MACROD2: variants seen among roughly 807,000 people sequenced by gnomAD.
The protein encoded by MACROD2 is mono-ADP ribosylhydrolase 2, also known as ADP-ribose glycohydrolase MACROD2.
MACROD2 carries 36 observed loss-of-function variants against 70.4 expected under a neutral mutation model. The observed-to-expected ratio is 0.51, with a 90% CI of 0.39 to 0.68. The LOEUF (loss-of-function observed/expected upper bound fraction) is 0.68. MACROD2 is among the 30% of genes least tolerant of loss of function. The probability of loss-of-function intolerance (pLI) is 0.00; values close to 1 mark genes in which losing one functional copy is unlikely to be tolerated. For missense variants in MACROD2, 496 were observed against 538.4 expected (o/e 0.92, Z 0.78); for synonymous variants, 172 against 178.8 (o/e 0.96, Z 0.30).
intron 5 of MACROD2, among the ~76,000 whole-genome samples, chr20:14,929,777 T>C (rs1159703314): frequency 6.6e-6 from 1 of 152,130 alleles, no homozygotes; most frequent in African/African-American, 2.4e-5. Flanking sequence ...AAGATGCTCT[T>C]CTCACCCCTA....
chr20:14,482,569 T>C (rs1425816598), intron 3 of MACROD2, among the ~76,000 whole-genome samples: 2 of 152,036 alleles, frequency 1.3e-5, no homozygotes, highest in Non-Finnish European at 2.9e-5. Flanking sequence ...GGTCAGCTTC[T>C]GCATGAGCCA....
intron 8 of MACROD2, among the ~76,000 whole-genome samples, chr20:15,768,470 T>C (rs1261323139): frequency 6.6e-6 from 1 of 152,162 alleles, no homozygotes; most frequent in Non-Finnish European, 1.5e-5. Context: ...GCACTTACCA[T>C]GAATGGAGCT....
intron 5 of MACROD2, among the ~76,000 whole-genome samples, chr20:14,866,365 C>T (rs572507435): frequency 6.6e-6 from 1 of 152,224 alleles, no homozygotes. Flanking sequence ...GCACTCCCTT[C>T]AGCCTTTTGT....
At chr20:15,407,859 T>C (rs2046025204) in intron 6 of MACROD2, among the ~76,000 whole-genome samples, 1 of 152,176 alleles carries the variant, frequency 6.6e-6, no homozygotes, top group South Asian at 2.1e-4. Flanking sequence ...ACAGATTAGC[T>C]AGTGCAACCT....
chr20:14,594,207 G>T (rs1981969427), intron 4 of MACROD2, among the ~76,000 whole-genome samples: 1 of 152,080 alleles, frequency 6.6e-6, no homozygotes, highest in Non-Finnish European at 1.5e-5. Context: ...CTTCACCTCT[G>T]CAGTTTGTTT....
At chr20:14,740,095 C>T (rs963145119) in intron 5 of MACROD2, among the ~76,000 whole-genome samples, 6 of 152,010 alleles carry the variant, frequency 3.9e-5, no homozygotes, top group Non-Finnish European at 7.4e-5. Context: ...TATCTTTATT[C>T]TTTAAAGTTC....
chr20:15,577,264 A>G (rs1151925), intron 8 of MACROD2, among the ~76,000 whole-genome samples: 129,572 of 151,732 alleles, frequency 0.85, 56,263 homozygotes, highest in Non-Finnish European at 0.94. Flanking sequence ...TGCAGTCAAC[A>G]CACCTATTGC....
At chr20:14,875,953 A>G (rs1402565613) in intron 5 of MACROD2, among the ~76,000 whole-genome samples, 2 of 152,042 alleles carry the variant, frequency 1.3e-5, no homozygotes, top group African/African-American at 2.4e-5. Context: ...ACTTTTTGGT[A>G]TAACAATTAT....
At chr20:15,625,764 G>A (rs887734180) in intron 8 of MACROD2, among the ~76,000 whole-genome samples, 10 of 152,014 alleles carry the variant, frequency 6.6e-5, no homozygotes, top group South Asian at 4.2e-4. Context: ...TTGGAACAAC[G>A]TTCCTAGATT....
At chr20:14,249,258 C>A (rs1285458129) in intron 3 of MACROD2, among the ~76,000 whole-genome samples, 1 of 151,540 alleles carries the variant, frequency 6.6e-6, no homozygotes, top group Non-Finnish European at 1.5e-5. Context: ...ATTCTACCAC[C>A]CTCAATTGTG....
intron 4 of MACROD2, among the ~76,000 whole-genome samples, chr20:14,575,017 C>CAAAAAAAAAAAAAAAAAAAAAAAAAA (rs1195216470): frequency 2.0e-5 from 1 of 49,950 alleles, no homozygotes; most frequent in African/African-American, 7.3e-5. Context: ...GACTCTGTCT[C>CAAAAAAAAAAAAAAAAAAAAAAAAAA]AAAAAAAAAA....
At chr20:15,381,349 C>T (rs1283915515) in intron 6 of MACROD2, among the ~76,000 whole-genome samples, 1 of 151,832 alleles carries the variant, frequency 6.6e-6, no homozygotes, top group East Asian at 1.9e-4. Flanking sequence ...CGAGAGAGCA[C>T]AGACTATATC....
Position 15,896,628 on chromosome 20 carries a change from T to C in MACROD2, c.775+10817T>C, listed in dbSNP as rs1415843974. On this transcript the variant is annotated intron_variant, in intron 10 of 17. Coordinates refer to ENST00000684519, the MANE Select transcript of MACROD2 (RefSeq NM_001351661.2). ...AGAACAAATTTTTTGAAGGAAGAAA[T>C]ATTGTCAACATTATAACCTTGAGTG... 3.3e-5 allele frequency among the ~76,000 whole-genome samples: 5 copies of C among 151,750 alleles called. No homozygotes were observed. In the South Asian group the frequency reaches 6.2e-4, roughly 19 times the overall value.
At chr20:14,034,921 C>T (rs1250636290) in intron 2 of MACROD2, among the ~76,000 whole-genome samples, 1 of 152,058 alleles carries the variant, frequency 6.6e-6, no homozygotes. Context: ...ACATTTTATA[C>T]ACAGTTTTAC....
intron 5 of MACROD2, among the ~76,000 whole-genome samples, chr20:15,142,286 T>A (rs956950973): frequency 1.4e-4 from 21 of 152,134 alleles, no homozygotes; most frequent in African/African-American, 5.1e-4. Flanking sequence ...AAAGACTCCT[T>A]GTTGAGGATC....
In MACROD2 at chr20:14,325,444, T is replaced by C; in HGVS notation, c.272-168035T>C. The C allele has an allele frequency of 9.7e-6, 11 of 1,135,860 alleles. No individual in the cohort carries two copies. In the South Asian group the frequency reaches 1.6e-4, roughly 16 times the overall value. 70.4% of individuals were successfully genotyped at this position (1,135,860 alleles called of 1,614,324 possible). A position where few individuals can be genotyped will look rare whatever the true frequency, so the allele number is the denominator to read the frequency against. On this transcript the variant is annotated intron_variant, in intron 3 of 17. Coordinates refer to ENST00000684519, the MANE Select transcript of MACROD2 (RefSeq NM_001351661.2). ...AATTATATGGCAAATGTACAGTACA[T>C]TGCTTTTTTTCAGTCTCTTTTTCCA...
intron 5 of MACROD2, among the ~76,000 whole-genome samples, chr20:15,134,751 AC>A (rs2076133335): frequency 1.3e-5 from 2 of 152,112 alleles, no homozygotes; most frequent in African/African-American, 2.4e-5. Context: ...GACACAAAAA[AC>A]CCTTCAAAAA....
At chr20:15,477,135 C>T (rs2047033811) in intron 7 of MACROD2, among the ~76,000 whole-genome samples, 1 of 133,164 alleles carries the variant, frequency 7.5e-6, no homozygotes, top group Non-Finnish European at 1.5e-5. Context: ...GGGCCTCACT[C>T]TGTCACCCGT....
rs773112414 is a variant in MACROD2, at chr20:15,986,802, G to T, written c.1060+1G>T. 6 of 1,603,710 alleles carry T rather than the reference G, an allele frequency of 3.7e-6. No homozygotes were observed. In the East Asian group the frequency reaches 6.7e-5, roughly 18 times the overall value. On this transcript the variant is annotated splice_donor_variant, in intron 14 of 17. Coordinates refer to ENST00000684519, the MANE Select transcript of MACROD2 (RefSeq NM_001351661.2). LOFTEE classifies it high-confidence loss of function. ...CAGAGCTCATATATGGAAACAGAAG[G>T]TACTGAAACCAAAATATATTGTTAT...
Sources: gnomAD v4.1 joint callset for allele counts (sites outside exome capture counted in the v4.1 genomes callset) on GRCh38, gnomAD v4.1.1 for gene constraint, MANE v1.5 for transcripts, NCBI Gene and HGNC (gene_info 2026-07-23, HGNC 2026-07-21) for gene names.